The following FGF13 variants were observed in gnomAD, a reference collection of about 807,000 sequenced individuals.
The protein encoded by FGF13 is fibroblast growth factor homologous factor 2.
A neutral mutation model predicts 19.5 loss-of-function variants in FGF13; 2 were observed. The ratio of observed to expected loss-of-function variants is 0.10; its 90% CI spans 0.04 to 0.32. FGF13 has a LOEUF of 0.32. Among genes scored for constraint, FGF13 ranks in the 10% least tolerant of loss-of-function variants. FGF13 has a pLI of 1.00. For missense variants in FGF13, 113 were observed against 192.7 expected (o/e 0.59, Z 2.45); for synonymous variants, 72 against 76.9 (o/e 0.94, Z 0.33).
chrX:138,710,307 A>C (rs2090031271), intron 1 of FGF13, among the ~76,000 whole-genome samples: 5 of 92,109 alleles, frequency 5.4e-5, no homozygotes, highest in Middle Eastern at 6.5e-3. Flanking sequence ...AGTCTGTCCC[A>C]AAAAGCTTAA....
rs1392163010 is a variant in FGF13 at position 138,648,004 on chromosome X, T to C, written c.403-12349A>G. ...ACTCAAACAAAATAACAAATAATTC[T>C]ACAGTCACCCTTTAAAATGATTACT... On this transcript the variant is annotated intron_variant, in intron 3 of 4. Transcript: ENST00000315930. Among the ~76,000 whole-genome samples the C allele has an allele frequency of 2.7e-5, 3 of 112,326 alleles. No homozygotes were observed. In the East Asian group the frequency reaches 8.4e-4, roughly 31 times the overall value.
intron 1 of FGF13, among the ~76,000 whole-genome samples, chrX:138,922,106 C>G (rs1231520893): frequency 9.1e-6 from 1 of 109,708 alleles, no homozygotes; most frequent in Non-Finnish European, 1.9e-5. Context: ...ATAAATCTCT[C>G]TAAGAAATGA....
chrX:138,766,881 A>G (rs1307371814), intron 3 of FGF13, among the ~76,000 whole-genome samples: 7 of 112,024 alleles, frequency 6.2e-5, no homozygotes, highest in African/African-American at 9.7e-5. Flanking sequence ...AATCTTCTAC[A>G]TATAGCTAGC....
At chrX:138,803,998 C>T (rs1473925934) in intron 3 of FGF13, among the ~76,000 whole-genome samples, 1 of 111,977 alleles carries the variant, frequency 8.9e-6, no homozygotes, top group African/African-American at 3.2e-5. Flanking sequence ...TAAATTCATA[C>T]TCTAACCAAT....
intron 1 of FGF13, among the ~76,000 whole-genome samples, chrX:139,062,506 G>T (rs2092339718): frequency 9.0e-6 from 1 of 111,435 alleles, no homozygotes; most frequent in Non-Finnish European, 1.9e-5. Context: ...CCTTCTTTTT[G>T]CTCAAAATTT....
chrX:138,696,671 G>A (rs1451884989), intron 3 of FGF13, among the ~76,000 whole-genome samples: 1 of 111,927 alleles, frequency 8.9e-6, no homozygotes, highest in Non-Finnish European at 1.9e-5. Context: ...TTTGTTGGAC[G>A]GGTCATCTCA....
intron 1 of FGF13, among the ~76,000 whole-genome samples, chrX:139,054,556 T>C (rs765673970): frequency 8.9e-6 from 1 of 111,804 alleles, no homozygotes; most frequent in Non-Finnish European, 1.9e-5. Context: ...CTATGTGTAC[T>C]CTTTTTTTGG....
At chrX:138,932,176 A>G (rs1424532899) in intron 1 of FGF13, among the ~76,000 whole-genome samples, 1 of 112,126 alleles carries the variant, frequency 8.9e-6, no homozygotes, top group East Asian at 2.8e-4. Flanking sequence ...AAATATCGCC[A>G]CGAAGATAAA....
intron 1 of FGF13, among the ~76,000 whole-genome samples, chrX:138,894,772 A>C (rs1311759546): frequency 7.2e-5 from 8 of 111,797 alleles, no homozygotes; most frequent in East Asian, 2.8e-4. Context: ...AAACTATTCC[A>C]ATCAATAGAA....
At chrX:138,958,747 T>TG (rs1450185401) in intron 1 of FGF13, among the ~76,000 whole-genome samples, 3 of 111,716 alleles carry the variant, frequency 2.7e-5, no homozygotes, top group African/African-American at 9.8e-5. Context: ...GGTTTAGTCT[T>TG]GGGAGGGTGT....
At chrX:138,871,866 T>C (rs2091359208) in intron 1 of FGF13, among the ~76,000 whole-genome samples, 1 of 111,991 alleles carries the variant, frequency 8.9e-6, no homozygotes, top group Admixed American at 9.5e-5. Flanking sequence ...AGTCTGCTCA[T>C]GTAGGCCATT....
rs772192761 is a variant in FGF13, at chrX:139,121,090, T to C, written c.-113+82326A>G. Among the ~76,000 whole-genome samples, 4 of 112,323 alleles carry C rather than the reference T, an allele frequency of 3.6e-5. No individual in the cohort carries two copies. The South Asian group carries it at 1.5e-3, about 42-fold the overall frequency. ...AAGCCTATAATCATTTATTGTTGTT[T>C]ACATTTCCCCTAAGGGCTTCCAATG... On this transcript the variant is annotated intron_variant, in intron 1 of 2. Coordinates refer to the FGF13 transcript ENST00000421460.
chrX:138,887,799 A>C (rs955039336), intron 1 of FGF13, among the ~76,000 whole-genome samples: 4 of 112,029 alleles, frequency 3.6e-5, no homozygotes, highest in African/African-American at 1.3e-4. Context: ...TGGCTCCTGT[A>C]GTAACCTCTC....
chrX:138,624,230 T>C lies in FGF13; in HGVS notation c.*8620A>G, dbSNP rs1453923590. Reference sequence around the variant, plus strand: ...TGGTATTGGCATAGAAGCAGACACATAGACCAATGGAACAGAATAGAAAGC... The same window carrying C: ...TGGTATTGGCATAGAAGCAGACACACAGACCAATGGAACAGAATAGAAAGC... On this transcript the variant is annotated 3_prime_UTR_variant, in exon 5 of 5. Coordinates refer to ENST00000315930, the MANE Select transcript of FGF13 (RefSeq NM_004114.5). 1.8e-5 allele frequency: 2 copies of C among 111,856 alleles called. No homozygotes were observed. The highest frequency in any genetic ancestry group is 3.2e-5 in the African/African-American group (1 of 30,795). 9.2% of individuals were successfully genotyped at this position (111,856 alleles called of 1,213,427 possible). A position where few individuals can be genotyped will look rare whatever the true frequency, so the allele number is the denominator to read the frequency against.
At chrX:138,950,602 C>A (rs553707713) in intron 1 of FGF13, among the ~76,000 whole-genome samples, 1 of 111,862 alleles carries the variant, frequency 8.9e-6, no homozygotes, top group East Asian at 2.8e-4. Flanking sequence ...CTGCATTTAC[C>A]CACATTTAAT....
At chrX:138,658,166 A>G (rs148084990) in intron 3 of FGF13, among the ~76,000 whole-genome samples, 7 of 112,285 alleles carry the variant, frequency 6.2e-5, no homozygotes, top group African/African-American at 1.9e-4. Context: ...ATGTTTTTCT[A>G]CAATACAAAG....
chrX:138,640,287 C>T (rs1172580648), intron 3 of FGF13, among the ~76,000 whole-genome samples: 1 of 111,864 alleles, frequency 8.9e-6, no homozygotes, highest in African/African-American at 3.3e-5. Flanking sequence ...ATATTAAGAC[C>T]TCCACACAGA....
At chrX:139,006,232 A>G (rs1264444652) in intron 1 of FGF13, among the ~76,000 whole-genome samples, 1 of 111,792 alleles carries the variant, frequency 8.9e-6, no homozygotes, top group African/African-American at 3.2e-5. Context: ...GTCTGGCAGC[A>G]GACTTTTCAG....
At chrX:138,649,590 T>A (rs1349008895) in intron 3 of FGF13, among the ~76,000 whole-genome samples, 2 of 112,322 alleles carry the variant, frequency 1.8e-5, no homozygotes, top group East Asian at 5.6e-4. Flanking sequence ...CCATTTGCTC[T>A]GCTTTGAAGC....
Sources: allele counts gnomAD v4.1 joint callset (sites outside exome capture counted in the v4.1 genomes callset), GRCh38; gene constraint gnomAD v4.1.1; transcripts MANE v1.5; gene names NCBI Gene and HGNC (gene_info 2026-07-23, HGNC 2026-07-21).